Variants in SMYD3 observed in about 807,000 individuals in gnomAD.
The protein encoded by SMYD3 is histone-lysine N-methyltransferase SMYD3.
A neutral mutation model predicts 57.7 loss-of-function variants in SMYD3; 36 were observed. That is an observed-to-expected ratio of 0.62 (90% CI 0.48 to 0.82). The LOEUF (loss-of-function observed/expected upper bound fraction) is 0.82, where lower values mean the gene tolerates loss of function less well. Ranked by LOEUF, SMYD3 falls within the 40% of genes least tolerant of loss-of-function variation. The probability of loss-of-function intolerance (pLI) is 0.00; values close to 1 mark genes in which losing one functional copy is unlikely to be tolerated. For missense variants in SMYD3, 515 were observed against 538.8 expected (o/e 0.96, Z 0.44); for synonymous variants, 211 against 195.0 (o/e 1.08, Z -0.68).
rs2148369836 is a variant in SMYD3, at chr1:246,203,331, ATC to A, written c.531+123868_531+123869del. On this transcript the variant is annotated intron_variant, in intron 5 of 11. Coordinates refer to ENST00000490107, the MANE Select transcript of SMYD3 (RefSeq NM_001167740.2). The surrounding 1 kb of genome is among the most constrained non-coding windows in gnomAD (Gnocchi z 4.6). The stretch of plus-strand genomic sequence containing the variant: ...ATTTGTTCAGCCACCATCAGACACA[ATC>A]TCTGCTCCATCAATTCTCTCCCGCT... Among the ~76,000 whole-genome samples, 1 of 152,020 alleles carries A rather than the reference ATC, an allele frequency of 6.6e-6. No homozygotes were observed. Among genetic ancestry groups the A allele is most frequent in the African/African-American group, 2.4e-5 (1 of 41,472 alleles).
intron 8 of SMYD3, among the ~76,000 whole-genome samples, chr1:245,867,695 C>T (rs4654145): frequency 0.32 from 49,227 of 151,934 alleles, 8,935 homozygotes; most frequent in East Asian, 0.77. Context: ...CACACTCACA[C>T]ACACATTTTG....
At chr1:245,901,358 T>C (rs575522493) in intron 8 of SMYD3, among the ~76,000 whole-genome samples, 8 of 152,324 alleles carry the variant, frequency 5.3e-5, no homozygotes, top group African/African-American at 1.7e-4. Context: ...AGGTAAACAT[T>C]CTTCCAAAGT....
chr1:246,248,178 C>T (rs142388908), intron 5 of SMYD3, among the ~76,000 whole-genome samples: 2 of 152,152 alleles, frequency 1.3e-5, no homozygotes, highest in East Asian at 1.9e-4. Context: ...GAAAAGCAAC[C>T]GTAAGAAAAT....
At chr1:246,401,069 T>C (rs1349680844) in intron 1 of SMYD3, among the ~76,000 whole-genome samples, 1 of 152,212 alleles carries the variant, frequency 6.6e-6, no homozygotes, top group African/African-American at 2.4e-5. Flanking sequence ...CATCACAGTA[T>C]CTTAAGACTC....
intron 5 of SMYD3, among the ~76,000 whole-genome samples, chr1:246,192,271 A>C (rs1488890595): frequency 6.6e-6 from 1 of 151,840 alleles, no homozygotes; most frequent in Non-Finnish European, 1.5e-5. Flanking sequence ...GCTATTTTTT[A>C]TTTTATTTAC....
At chr1:245,773,929 A>G (rs548901512) in intron 10 of SMYD3, among the ~76,000 whole-genome samples, 1 of 152,210 alleles carries the variant, frequency 6.6e-6, no homozygotes, top group African/African-American at 2.4e-5. Flanking sequence ...AAAGTTTAAA[A>G]TTTTCAGAAA....
Position 245,861,595 on chromosome 1 carries a change from T to C in SMYD3, c.901+2204A>G, listed in dbSNP as rs193159350. ...TTGCCACCTTCCCCTCCTCTCATATTGCACAGCCAGCAGCTTCTCAGTAGC... is the reference window on the plus strand; with the variant it reads ...TTGCCACCTTCCCCTCCTCTCATATCGCACAGCCAGCAGCTTCTCAGTAGC... On this transcript the variant is annotated intron_variant, in intron 9 of 11. Transcript: ENST00000490107. Among the ~76,000 whole-genome samples the C allele has an allele frequency of 4.8e-4, 73 of 152,308 alleles. No individual in the cohort carries two copies. In the East Asian group the frequency reaches 9.1e-3, roughly 19 times the overall value.
intron 5 of SMYD3, among the ~76,000 whole-genome samples, chr1:246,274,552 A>G (rs2064292152): frequency 6.6e-6 from 1 of 152,220 alleles, no homozygotes; most frequent in South Asian, 2.1e-4. Flanking sequence ...ATATATAACT[A>G]CAACATAGAA....
intron 11 of SMYD3, among the ~76,000 whole-genome samples, chr1:245,757,740 C>T (rs554804079): frequency 2.6e-5 from 4 of 152,040 alleles, no homozygotes; most frequent in Admixed American, 6.5e-5. Context: ...ATCATATATG[C>T]GAGGGTTTAT....
chr1:246,348,216 G>T (rs2065759054), intron 2 of SMYD3, among the ~76,000 whole-genome samples: 2 of 151,650 alleles, frequency 1.3e-5, no homozygotes, highest in Admixed American at 1.3e-4. Flanking sequence ...AGCAGTTCGA[G>T]ACCAGCCTGG....
chr1:245,965,813 G>A (rs2058130246), intron 5 of SMYD3, among the ~76,000 whole-genome samples: 1 of 152,186 alleles, frequency 6.6e-6, no homozygotes, highest in Admixed American at 6.5e-5. Flanking sequence ...GTGAAGACAT[G>A]CCATTCTACA....
chr1:246,298,533 T>C (rs2064836391), intron 5 of SMYD3, among the ~76,000 whole-genome samples: 1 of 152,108 alleles, frequency 6.6e-6, no homozygotes, highest in Non-Finnish European at 1.5e-5. Context: ...TATCCCTTCA[T>C]AAAATATCAG....
At chr1:246,181,606 G>T (rs147543694) in intron 5 of SMYD3, among the ~76,000 whole-genome samples, 85 of 152,258 alleles carry the variant, frequency 5.6e-4, no homozygotes, top group African/African-American at 1.8e-3. Flanking sequence ...ATACCCCATA[G>T]GTATGTGATT....
At chr1:246,112,959 A>T (rs2061272984) in intron 5 of SMYD3, among the ~76,000 whole-genome samples, 1 of 152,096 alleles carries the variant, frequency 6.6e-6, no homozygotes. Context: ...TGGCAGGCGG[A>T]TCATGAGGCC....
rs181323129 is a variant in SMYD3, at chr1:246,125,888, G to A, written c.532-195951C>T. On this transcript the variant is annotated intron_variant, in intron 5 of 11. Coordinates refer to ENST00000490107, the MANE Select transcript of SMYD3 (RefSeq NM_001167740.2). ...ACCAAGAAAACATAATTTGTAATTC[G>A]AGTAGTAGTAAAAAGGAGTGGCAAC... Among the ~76,000 whole-genome samples, 115 of 151,926 alleles carry A rather than the reference G, an allele frequency of 7.6e-4. 1 individual carries two copies. The highest frequency in any genetic ancestry group is 3.7e-3 in the Admixed American group (56 of 15,266).
chr1:246,443,365 A>T (rs12059820), intron 1 of SMYD3, among the ~76,000 whole-genome samples: 6,954 of 152,316 alleles, frequency 0.046, 451 homozygotes, highest in African/African-American at 0.14. Context: ...ATCTCAATTT[A>T]TTTAGGAAGC....
intron 5 of SMYD3, among the ~76,000 whole-genome samples, chr1:246,060,582 A>ATTTTTTTTT (rs1558191811): frequency 1.3e-5 from 2 of 152,178 alleles, no homozygotes; most frequent in African/African-American, 4.8e-5. Context: ...CATTTTAATA[A>ATTTTTTTTT]ATTTTTATGA....
intron 5 of SMYD3, among the ~76,000 whole-genome samples, chr1:246,294,193 A>G (rs1361927400): frequency 6.6e-6 from 1 of 151,826 alleles, no homozygotes; most frequent in Non-Finnish European, 1.5e-5. Flanking sequence ...TCATCTGTAT[A>G]CTCTAGAGAA....
chr1:246,016,910 T>C (rs1390983737), intron 5 of SMYD3, among the ~76,000 whole-genome samples: 1 of 151,930 alleles, frequency 6.6e-6, no homozygotes, highest in Non-Finnish European at 1.5e-5. Context: ...CTAAGAATGA[T>C]GGGAGAAGGG....
Sources: allele counts gnomAD v4.1 joint callset (sites outside exome capture counted in the v4.1 genomes callset), GRCh38; gene constraint gnomAD v4.1.1; non-coding constraint Gnocchi (gnomAD v3.1); transcripts MANE v1.5; gene names NCBI Gene and HGNC (gene_info 2026-07-23, HGNC 2026-07-21).